Variants in TSNARE1 observed in about 807,000 individuals in gnomAD.
TSNARE1 encodes t-SNARE domain-containing protein 1.
TSNARE1 carries 49 observed loss-of-function variants against 62.0 expected under a neutral mutation model. The ratio of observed to expected loss-of-function variants is 0.79; its 90% CI spans 0.63 to 1.00. The LOEUF (loss-of-function observed/expected upper bound fraction) is 1.00. Ranked by LOEUF, TSNARE1 falls within the 50% of genes least tolerant of loss-of-function variation. TSNARE1 has a pLI of 0.00. For missense variants in TSNARE1, 755 were observed against 700.1 expected (o/e 1.08, Z -0.88); for synonymous variants, 328 against 294.4 (o/e 1.11, Z -1.17).
rs914788421 is a variant in TSNARE1, at chr8:142,277,524, C to T, written c.1364-2661G>A. The T allele has an allele frequency of 1.0e-5, 10 of 985,370 alleles. No individual in the cohort carries two copies. In the African/African-American group the frequency reaches 1.6e-4, roughly 15 times the overall value. The allele number at this position is 985,370 out of a possible 1,614,324, so 61.0% of individuals were successfully genotyped here. On this transcript the variant is annotated intron_variant, in intron 11 of 13. Coordinates refer to ENST00000524325, the MANE Select transcript of TSNARE1 (RefSeq NM_145003.5). ...CATGGCCGGCTCGGGGCAACTGGGC[C>T]TGCAGCTGGGATGCCCCCACCCTGT...
intron 9 of TSNARE1, among the ~76,000 whole-genome samples, chr8:142,301,342 G>A (rs1475925418): frequency 1.2e-5 from 1 of 86,946 alleles, no homozygotes; most frequent in African/African-American, 4.8e-5. Context: ...TCAGGAGCCC[G>A]CAGTGCCCCC....
chr8:142,286,686 T>C (rs1225243167), intron 10 of TSNARE1, among the ~76,000 whole-genome samples: 2 of 152,204 alleles, frequency 1.3e-5, no homozygotes, highest in East Asian at 1.9e-4. Flanking sequence ...CTAGGCTCCA[T>C]CCTACAATGG....
intron 12 of TSNARE1, among the ~76,000 whole-genome samples, chr8:142,249,989 C>T (rs1294113371): frequency 2.0e-5 from 3 of 152,098 alleles, no homozygotes; most frequent in Non-Finnish European, 4.4e-5. Context: ...GAGTGGGGGC[C>T]GGGGGATGCC....
intron 1 of TSNARE1, among the ~76,000 whole-genome samples, chr8:142,385,101 A>T (rs963195946): frequency 2.0e-5 from 3 of 152,044 alleles, no homozygotes; most frequent in Non-Finnish European, 4.4e-5. Context: ...GAGAGAAAGG[A>T]AGGAAGAGAG....
intron 12 of TSNARE1, among the ~76,000 whole-genome samples, chr8:142,249,082 GC>G (rs1315807567): frequency 2.0e-5 from 3 of 152,222 alleles, no homozygotes; most frequent in Non-Finnish European, 2.9e-5. Context: ...CAGACACCGG[GC>G]CCCCGCCAGA....
chr8:142,384,548 T>TCAA (rs1836984454), intron 1 of TSNARE1, among the ~76,000 whole-genome samples: 1 of 152,106 alleles, frequency 6.6e-6, no homozygotes, highest in Non-Finnish European at 1.5e-5. Flanking sequence ...GATATGATCA[T>TCAA]CAACAAGCAT....
chr8:142,248,181 C>T (rs780401448), intron 12 of TSNARE1, among the ~76,000 whole-genome samples: 1 of 152,178 alleles, frequency 6.6e-6, no homozygotes, highest in Admixed American at 6.6e-5. Flanking sequence ...GGAGACCCTG[C>T]CCGGACAAGA....
intron 11 of TSNARE1, chr8:142,279,997 C>G (rs1295317517): frequency 8.5e-7 from 1 of 1,174,146 alleles, no homozygotes; most frequent in Non-Finnish European, 1.1e-6. Context: ...CACAGCACCT[C>G]GCAGGTCCCG....
chr8:142,335,468 C>T (rs1169530705), intron 4 of TSNARE1, among the ~76,000 whole-genome samples: 2 of 152,070 alleles, frequency 1.3e-5, no homozygotes, highest in African/African-American at 4.8e-5. Flanking sequence ...TACTTGAAGG[C>T]GGGCTGCGGA....
intron 12 of TSNARE1, among the ~76,000 whole-genome samples, chr8:142,265,761 C>T (rs1420196408): frequency 6.6e-6 from 1 of 152,238 alleles, no homozygotes; most frequent in Non-Finnish European, 1.5e-5. Context: ...CTCTTGGTCA[C>T]TTCAGCGGCA....
chr8:142,395,473 G>A (rs555024981), intron 1 of TSNARE1, among the ~76,000 whole-genome samples: 128 of 152,266 alleles, frequency 8.4e-4, no homozygotes, highest in Admixed American at 2.6e-3. Context: ...GGCAGCCTGC[G>A]GAGTCAGCGC....
chr8:142,253,663 A>G (rs1407789590), intron 12 of TSNARE1, among the ~76,000 whole-genome samples: 3 of 152,188 alleles, frequency 2.0e-5, no homozygotes, highest in African/African-American at 7.2e-5. Flanking sequence ...CCCTGACATC[A>G]CCAACTTCCT....
In TSNARE1 at chr8:142,276,345, G is replaced by T. The variant is rs948717230; in HGVS notation, c.1364-1482C>A. On this transcript the variant is annotated intron_variant, in intron 11 of 13. Transcript: ENST00000524325. ...CCAATGGAGGAGGAGAGGGAAGGAA[G>T]ATGGGGCCAGAGGTGTGACGGATCC... 4 of 985,376 alleles carry T rather than the reference G, an allele frequency of 4.1e-6. No homozygotes were observed. The African/African-American group carries it at 7.0e-5, about 17-fold the overall frequency. 61.0% of individuals were successfully genotyped at this position (985,376 alleles called of 1,614,324 possible).
rs1380412535 is a variant in TSNARE1 at position 142,271,261 on chromosome 8, C to G, written c.1446+3520G>C. ...GGGTAGGGCGTGCTTCCACCAGCCT[C>G]TCGAGGGTCCGGTTGAGGGCCTCCA... is the stretch of plus-strand genomic sequence containing the variant. On this transcript the variant is annotated intron_variant, in intron 12 of 13. Transcript: ENST00000524325. 3.9e-6 allele frequency: 4 copies of G among 1,033,922 alleles called. No homozygotes were observed. In the African/African-American group the frequency reaches 5.1e-5, roughly 13 times the overall value. 64.0% of individuals were successfully genotyped at this position (1,033,922 alleles called of 1,614,324 possible).
At position 142,331,816 on chromosome 8, in the gene TSNARE1, G is replaced by A. The variant is rs149672057; in HGVS notation, c.761C>T (p.Pro254Leu). The stretch of plus-strand genomic sequence containing the variant: ...CTGGAACAGCTCCTGGAGGTTGCAC[G>A]GATCGACCTGGGTGGCTGGGAGAAG... ...LEPPRATQVD[P>L]CNLQELFQEM... Residue 254 changes from proline to leucine, a missense_variant, in exon 5 of 14, where the codon CCG becomes CTG. By Grantham distance (98) the Pro-to-Leu change is moderately conservative. Coordinates refer to ENST00000524325, the MANE Select transcript of TSNARE1 (RefSeq NM_145003.5). 55 of 1,608,464 alleles carry A rather than the reference G, an allele frequency of 3.4e-5. No individual in the cohort carries two copies. Among genetic ancestry groups the A allele is most frequent in the Middle Eastern group, 1.7e-4 (1 of 6,050 alleles).
chr8:142,285,204 G>A (rs1189264968), intron 10 of TSNARE1, among the ~76,000 whole-genome samples: 1 of 150,936 alleles, frequency 6.6e-6, no homozygotes, highest in Non-Finnish European at 1.5e-5. Context: ...GGATGGGCGA[G>A]TGGATGGACA....
chr8:142,328,125 C>T (rs1447080309), intron 6 of TSNARE1, among the ~76,000 whole-genome samples: 2 of 151,954 alleles, frequency 1.3e-5, no homozygotes, highest in African/African-American at 2.4e-5. Flanking sequence ...TCCCTTCTTA[C>T]TAAAGAATAT....
intron 4 of TSNARE1, among the ~76,000 whole-genome samples, chr8:142,339,840 A>ACAG (rs1832293001): frequency 6.6e-6 from 1 of 152,228 alleles, no homozygotes; most frequent in Admixed American, 6.5e-5. Context: ...GCCCTGCCGT[A>ACAG]CAGCGCCCTC....
chr8:142,236,861 C>T (rs1817452516), intron 12 of TSNARE1, among the ~76,000 whole-genome samples: 1 of 152,186 alleles, frequency 6.6e-6, no homozygotes, highest in African/African-American at 2.4e-5. Context: ...AAGACCCCGC[C>T]CTGGCGCAGA....
Sources: allele counts gnomAD v4.1 joint callset (sites outside exome capture counted in the v4.1 genomes callset), GRCh38; gene constraint gnomAD v4.1.1; transcripts MANE v1.5; gene names NCBI Gene and HGNC (gene_info 2026-07-23, HGNC 2026-07-21).